The following FOXJ3 variants were observed in gnomAD, a reference collection of about 807,000 sequenced individuals.
The protein encoded by FOXJ3 is forkhead box protein J3.
Under a neutral mutation model 76.1 loss-of-function variants are expected in FOXJ3, and 22 were observed. The observed-to-expected ratio is 0.29, with a 90% CI of 0.21 to 0.41. The LOEUF is 0.41. Ranked by LOEUF, FOXJ3 falls within the 10% of genes least tolerant of loss-of-function variation. The pLI is 1.00. For missense variants in FOXJ3, 613 were observed against 762.1 expected, an observed-to-expected ratio of 0.80 and a Z score of 2.30; for synonymous variants, 269 against 261.2, an observed-to-expected ratio of 1.03 and a Z score of -0.29.
intron 4 of FOXJ3, among the ~76,000 whole-genome samples, chr1:42,257,289 GAAGTT>G (rs1199215845): frequency 1.3e-5 from 2 of 152,222 alleles, no homozygotes; most frequent in East Asian, 3.9e-4. Context: ...CCCTAAAACA[GAAGTT>G]AATTCCAGAA....
Position 42,292,331 on chromosome 1 carries a change from T to C in FOXJ3, c.45-13659A>G, listed in dbSNP as rs1250893136. Among the ~76,000 whole-genome samples, 7 of 152,208 alleles carry C rather than the reference T, an allele frequency of 4.6e-5. No homozygotes were observed. In the South Asian group the frequency reaches 1.2e-3, roughly 27 times the overall value. ...CATAACTGCTTTAAGGACAACGGCT[T>C]GGCAGTTTCTTAAACATACACCTAC... is the stretch of plus-strand genomic sequence containing the variant. On this transcript the variant is annotated intron_variant, in intron 2 of 12. Transcript: ENST00000361346.
At chr1:42,181,560 G>A (rs1170226933) in intron 12 of FOXJ3, among the ~76,000 whole-genome samples, 1 of 152,180 alleles carries the variant, frequency 6.6e-6, no homozygotes, top group African/African-American at 2.4e-5. Flanking sequence ...AGAATAAGTA[G>A]AATCATTGCA....
intron 1 of FOXJ3, among the ~76,000 whole-genome samples, chr1:42,315,869 T>C (rs933379513): frequency 3.3e-5 from 5 of 152,212 alleles, no homozygotes; most frequent in South Asian, 2.1e-4. Context: ...TCCAAATCTT[T>C]TGAAAACTAA....
At chr1:42,207,744 T>C (rs949458007) in intron 5 of FOXJ3, among the ~76,000 whole-genome samples, 2 of 152,210 alleles carry the variant, frequency 1.3e-5, no homozygotes, top group African/African-American at 4.8e-5. Flanking sequence ...CCAGATAATC[T>C]AATCAACCTT....
At chr1:42,250,223 T>C (rs1649910683) in intron 4 of FOXJ3, among the ~76,000 whole-genome samples, 2 of 152,180 alleles carry the variant, frequency 1.3e-5, no homozygotes, top group Admixed American at 6.5e-5. Flanking sequence ...TTTTAAAAAA[T>C]CTCAACTCTT....
intron 1 of FOXJ3, among the ~76,000 whole-genome samples, chr1:42,328,737 C>T (rs1455901328): frequency 6.9e-6 from 1 of 145,840 alleles, no homozygotes; most frequent in Non-Finnish European, 1.5e-5. Context: ...TAGAATGCAG[C>T]GGCATTGCAA....
At chr1:42,322,068 A>G (rs1439055316) in intron 1 of FOXJ3, among the ~76,000 whole-genome samples, 1 of 152,170 alleles carries the variant, frequency 6.6e-6, no homozygotes, top group African/African-American at 2.4e-5. Flanking sequence ...TAAAAGAAAA[A>G]AAAAATCTAG....
chr1:42,266,989 A>G (rs1277903727), intron 3 of FOXJ3, among the ~76,000 whole-genome samples: 1 of 152,030 alleles, frequency 6.6e-6, no homozygotes, highest in African/African-American at 2.4e-5. Context: ...ACTCTGGGAG[A>G]GGTATAGGAA....
chr1:42,230,509 A>T (rs189864488), intron 4 of FOXJ3, among the ~76,000 whole-genome samples: 2 of 152,326 alleles, frequency 1.3e-5, no homozygotes, highest in Admixed American at 1.3e-4. Flanking sequence ...GTTTCATATA[A>T]ATGTTTATAC....
At chr1:42,311,177 G>C in intron 1 of FOXJ3, 67 bp from the exon 2 acceptor site, 1 of 1,024,864 alleles carries the variant, frequency 9.8e-7, no homozygotes, top group Non-Finnish European at 1.5e-6. Context: ...TCTCACTTTA[G>C]ATTTAATTTA....
rs1646271221 is a variant in FOXJ3, at chr1:42,179,257, A to G, written c.*453T>C. ...CAGTTAAAAGCATCCTGCAGAAAAT[A>G]GCCTAACAAGGAATAAAAACTGACA... is the stretch of plus-strand genomic sequence containing the variant. On this transcript the variant is annotated 3_prime_UTR_variant, in exon 13 of 13. Coordinates refer to ENST00000361346, the MANE Select transcript of FOXJ3 (RefSeq NM_014947.5). 1 of 152,736 alleles carries G rather than the reference A, an allele frequency of 6.5e-6. No individual in the cohort carries two copies. Among genetic ancestry groups the G allele is most frequent in the South Asian group, 2.1e-4 (1 of 4,834 alleles). 9.5% of individuals were successfully genotyped at this position (152,736 alleles called of 1,614,324 possible).
chr1:42,322,930 G>A (rs1307828616), intron 1 of FOXJ3, among the ~76,000 whole-genome samples: 1 of 152,062 alleles, frequency 6.6e-6, no homozygotes, highest in Non-Finnish European at 1.5e-5. Context: ...GTATTCTGAG[G>A]GTTTTTCGTT....
Position 42,335,118 on chromosome 1 carries a change from C to T in FOXJ3, c.-77G>A, listed in dbSNP as rs1388266256. ...CCCCCGGCCGCTCCGTGCGTCTCCG[C>T]CCCCCCGGGAAAGGTCCCAACGGTG... On this transcript the variant is annotated 5_prime_UTR_variant, in exon 1 of 13. Coordinates refer to ENST00000361346, the MANE Select transcript of FOXJ3 (RefSeq NM_014947.5). 2.6e-5 allele frequency: 4 copies of T among 152,062 alleles called. No individual in the cohort carries two copies. The highest frequency in any genetic ancestry group is 5.9e-5 in the Non-Finnish European group (4 of 68,106). The allele number at this position is 152,062 out of a possible 1,614,324, so 9.4% of individuals were successfully genotyped here. A position where few individuals can be genotyped will look rare whatever the true frequency, so the allele number is the denominator to read the frequency against.
chr1:42,242,375 C>T (rs371221284), intron 4 of FOXJ3, among the ~76,000 whole-genome samples: 14 of 151,850 alleles, frequency 9.2e-5, no homozygotes, highest in African/African-American at 3.1e-4. Flanking sequence ...AGAAAAACAA[C>T]TGAGGATACA....
At chr1:42,244,807 A>G (rs1649416223) in intron 4 of FOXJ3, among the ~76,000 whole-genome samples, 1 of 152,202 alleles carries the variant, frequency 6.6e-6, no homozygotes, top group Non-Finnish European at 1.5e-5. Flanking sequence ...ATTCATGGAC[A>G]CATACAAGCT....
At chr1:42,257,080 G>C (rs1570074420) in intron 4 of FOXJ3, among the ~76,000 whole-genome samples, 6 of 152,184 alleles carry the variant, frequency 3.9e-5, no homozygotes, top group Admixed American at 2.0e-4. Context: ...TGAGGATCAA[G>C]ATAATGCATG....
Position 42,191,622 on chromosome 1 carries a change from G to C in FOXJ3, c.1032C>G (p.Ser344Arg). 1 of 1,614,204 alleles carries C rather than the reference G, an allele frequency of 6.2e-7. No individual in the cohort carries two copies. Residue 344 changes from serine to arginine, a missense_variant, in exon 9 of 13, where the codon AGC becomes AGG. By Grantham distance (110) the Ser-to-Arg change is moderately radical. Transcript: ENST00000361346. ...PSSTVSTHPH[S>R]NQSSLSNSHG... ...GACTGTTGGACAGGCTGCTTTGGTT[G>C]CTGTGTGGGTGAGTGCTCACTGTAC...
chr1:42,204,956 T>C (rs1646833112), intron 6 of FOXJ3, among the ~76,000 whole-genome samples: 1 of 152,014 alleles, frequency 6.6e-6, no homozygotes, highest in Non-Finnish European at 1.5e-5. Context: ...TTTATGTGTG[T>C]GCATGAAGTG....
Position 42,231,294 on chromosome 1 carries a change from C to T in FOXJ3, c.445-3328G>A, listed in dbSNP as rs554411693. Among the ~76,000 whole-genome samples the T allele has an allele frequency of 3.7e-4, 57 of 152,272 alleles. No individual in the cohort carries two copies. The East Asian group carries it at 7.9e-3, about 21-fold the overall frequency. On this transcript the variant is annotated intron_variant, in intron 4 of 12. Transcript: ENST00000361346. ...TGAGCCGAGATCACGCCACTGCACT[C>T]TAGCCTGGGTGACAGAGCGAGACTC...
Sources: allele counts gnomAD v4.1 joint callset (sites outside exome capture counted in the v4.1 genomes callset), GRCh38; gene constraint gnomAD v4.1.1; transcripts MANE v1.5; gene names NCBI Gene and HGNC (gene_info 2026-07-23, HGNC 2026-07-21).